Variants in HMCN1 observed in about 807,000 individuals in gnomAD.
HMCN1 encodes hemicentin-1.
HMCN1 carries 321 observed loss-of-function variants against 625.9 expected under a neutral mutation model. The ratio of observed to expected loss-of-function variants is 0.51; its 90% CI spans 0.47 to 0.56. HMCN1 has a LOEUF of 0.56. Among genes scored for constraint, HMCN1 ranks in the 20% least tolerant of loss-of-function variants. HMCN1 has a pLI of 0.00. For missense variants in HMCN1, 6,588 were observed against 6,887.3 expected, an observed-to-expected ratio of 0.96 and a Z score of 1.54; for synonymous variants, 2,425 against 2,417.6, an observed-to-expected ratio of 1.00 and a Z score of -0.09.
At chr1:186,184,899 A>G (rs1214028911) in intron 105 of HMCN1, among the ~76,000 whole-genome samples, 1 of 152,186 alleles carries the variant, frequency 6.6e-6, no homozygotes, top group Non-Finnish European at 1.5e-5. Flanking sequence ...CATGAACAGA[A>G]GACAACACAA....
chr1:186,150,080 A>G (rs1312516986), intron 93 of HMCN1, among the ~76,000 whole-genome samples: 1 of 152,208 alleles, frequency 6.6e-6, no homozygotes, highest in Non-Finnish European at 1.5e-5. Flanking sequence ...GCTGTTGCAA[A>G]AATGGTACCG....
chr1:186,114,431 G>A (rs1661033068), intron 73 of HMCN1, among the ~76,000 whole-genome samples: 1 of 152,002 alleles, frequency 6.6e-6, no homozygotes, highest in Non-Finnish European at 1.5e-5. Context: ...CTAATTTTTT[G>A]TATTTTTAGT....
intron 18 of HMCN1, among the ~76,000 whole-genome samples, chr1:185,983,150 ATT>A (rs1211900798): frequency 5.9e-5 from 9 of 152,124 alleles, no homozygotes; most frequent in Non-Finnish European, 1.3e-4. Context: ...GTAGATATAT[ATT>A]GTCATTGTTT....
At chr1:185,753,964 G>T (rs1056879726) in intron 1 of HMCN1, among the ~76,000 whole-genome samples, 1 of 152,180 alleles carries the variant, frequency 6.6e-6, no homozygotes, top group Non-Finnish European at 1.5e-5. Context: ...AGAGATATCT[G>T]CACTCTCATG....
intron 1 of HMCN1, among the ~76,000 whole-genome samples, chr1:185,782,964 CCAT>C (rs1329754800): frequency 6.6e-6 from 1 of 152,194 alleles, no homozygotes; most frequent in Non-Finnish European, 1.5e-5. Context: ...TCCATTCTCC[CCAT>C]TGCTTTCAGG....
At chr1:186,068,028 G>A in intron 50 of HMCN1, 21 bp downstream of exon 50, 1 of 1,596,378 alleles carries the variant, frequency 6.3e-7, no homozygotes. Flanking sequence ...TGCTTCAGAT[G>A]TCCAAGATGC....
chr1:185,894,335 C>G (rs929612887), intron 4 of HMCN1, among the ~76,000 whole-genome samples: 3 of 152,218 alleles, frequency 2.0e-5, no homozygotes, highest in East Asian at 3.9e-4. Context: ...ATGGTTCATT[C>G]TCATTGATGT....
rs763177925 is a variant in HMCN1 at position 185,933,603 on chromosome 1, G to A, written c.1607G>A (p.Arg536Lys). ...AATGTTACAGTCACTCCTGGAGAGA[G>A]AGCAGTTTTAACATGTCTCATCATC... ...PNNVTVTPGE[R>K]AVLTCLIISA... The change falls in exon 11 of 107, where the codon AGA (arginine) becomes AAA (lysine). Residue 536 changes from arginine (R) to lysine (K), a missense_variant. Physicochemically the swap from Arg to Lys is conservative, Grantham distance 26. Coordinates refer to ENST00000271588, the MANE Select transcript of HMCN1 (RefSeq NM_031935.3). The A allele has an allele frequency of 1.9e-5, 31 of 1,613,868 alleles. No individual in the cohort carries two copies. Among genetic ancestry groups the A allele is most frequent in the Admixed American group, 1.5e-4 (9 of 59,948 alleles).
chr1:185,919,824 C>T (rs556407161), intron 6 of HMCN1, among the ~76,000 whole-genome samples: 63 of 152,136 alleles, frequency 4.1e-4, no homozygotes, highest in Non-Finnish European at 7.8e-4. Flanking sequence ...GGTAATAATA[C>T]TCTCTCACAG....
At chr1:185,911,867 A>G (rs2102455710) in intron 6 of HMCN1, 87 bp downstream of exon 6, 1 of 965,990 alleles carries the variant, frequency 1.0e-6, no homozygotes, top group Non-Finnish European at 1.7e-6. Flanking sequence ...TTTTAAACAT[A>G]CACTCTTGCT....
intron 4 of HMCN1, 51 bp downstream of exon 4, chr1:185,865,914 C>A (rs1663163646): frequency 1.3e-6 from 2 of 1,582,990 alleles, no homozygotes; most frequent in Admixed American, 1.7e-5. Context: ...TTATCAAAAT[C>A]AGTTAGGCCA....
In HMCN1 at chr1:186,046,932, G is replaced by A. The variant is rs192371567; in HGVS notation, c.6480+1069G>A. On this transcript the variant is annotated intron_variant, in intron 41 of 106. Coordinates refer to ENST00000271588, the MANE Select transcript of HMCN1 (RefSeq NM_031935.3). ...AGATCAGGTAAGTAATCTGCCCACAGTTACTGAAAGACAGAAATTGGATTA... is the reference window on the plus strand; with the variant it reads ...AGATCAGGTAAGTAATCTGCCCACAATTACTGAAAGACAGAAATTGGATTA... Among the ~76,000 whole-genome samples, 17 of 152,272 alleles carry A rather than the reference G, an allele frequency of 1.1e-4. No individual in the cohort carries two copies. The East Asian group carries it at 3.3e-3, about 29-fold the overall frequency.
chr1:186,145,359 A>G, intron 91 of HMCN1, 44 bp from the exon 92 acceptor site: 1 of 1,510,882 alleles, frequency 6.6e-7, no homozygotes, highest in Admixed American at 2.3e-5. Flanking sequence ...ACCACTTCTC[A>G]TTTTAGGGGC....
chr1:185,806,838 G>A (rs1659203109), intron 1 of HMCN1, among the ~76,000 whole-genome samples: 1 of 152,044 alleles, frequency 6.6e-6, no homozygotes, highest in African/African-American at 2.4e-5. Context: ...TTTATTTAGT[G>A]TGGCTTAATG....
In HMCN1 at chr1:186,078,126, T is replaced by G. The variant is rs772851437; in HGVS notation, c.8505T>G (p.Ile2835Met). ...LILPGGRVLQ[I>M]PRAKVEDAGR... is the part of the protein sequence containing the mutation. ...TTTCAGGAGGGCGAGTGTTGCAGAT[T>G]CCTCGGGCTAAAGTAGAAGATGCTG... Residue 2835 changes from isoleucine to methionine, a missense_variant, in exon 55 of 107, where the codon ATT becomes ATG. Physicochemically the swap from Ile to Met is conservative, Grantham distance 10. Around this residue, in one of 3 missense-constraint regions of HMCN1, gnomAD observed 4,628 missense variants for 4,853.1 expected, o/e 0.95. Transcript: ENST00000271588. 21 of 1,613,602 alleles carry G rather than the reference T, an allele frequency of 1.3e-5. No individual in the cohort carries two copies. Among genetic ancestry groups the G allele is most frequent in the Non-Finnish European group, 1.8e-5 (21 of 1,179,702 alleles).
rs1654582829 is a variant in HMCN1, at chr1:186,019,563, A to C, written c.5493A>C (p.Ser1831=). 6.2e-7 allele frequency: 1 copy of C among 1,610,648 alleles called. No homozygotes were observed. Among genetic ancestry groups the C allele is most frequent in the Non-Finnish European group, 8.5e-7 (1 of 1,177,254 alleles). ...TVHVPPTIKS[S]GLSERVVVKY... is the part of the protein sequence containing the mutation. ...TAGTTCCTCCAACAATCAAGTCCTC[A>C]GGCCTTTCTGAGAGAGTTGTGGTAA... Residue 1831 remains serine, a synonymous_variant, in exon 35 of 107, where the codon TCA becomes TCC. Coordinates refer to ENST00000271588, the MANE Select transcript of HMCN1 (RefSeq NM_031935.3).
chr1:185,912,927 G>A (rs1327810795), intron 6 of HMCN1, among the ~76,000 whole-genome samples: 1 of 151,932 alleles, frequency 6.6e-6, no homozygotes, highest in Admixed American at 6.6e-5. Context: ...GGAATTAATG[G>A]GATCATACTT....
intron 10 of HMCN1, among the ~76,000 whole-genome samples, 178 bp from the exon 11 acceptor site, chr1:185,933,371 C>G (rs1394842565): frequency 2.6e-5 from 4 of 152,026 alleles, no homozygotes; most frequent in Non-Finnish European, 5.9e-5. Context: ...TCTAAAGCAT[C>G]CTTTAAGTGG....
intron 1 of HMCN1, among the ~76,000 whole-genome samples, chr1:185,753,836 G>A (rs1280154508): frequency 6.6e-6 from 1 of 152,142 alleles, no homozygotes; most frequent in Non-Finnish European, 1.5e-5. Context: ...ATGTAAATTA[G>A]TATAACCATT....
Sources: gnomAD v4.1 joint callset for allele counts (sites outside exome capture counted in the v4.1 genomes callset) on GRCh38, gnomAD v4.1.1 for gene constraint, gnomAD v4.1.1 regional missense constraint, MANE v1.5 for transcripts, NCBI Gene and HGNC (gene_info 2026-07-23, HGNC 2026-07-21) for gene names.